ROBO1: variants seen among roughly 807,000 people sequenced by gnomAD.
The protein encoded by ROBO1 is roundabout homolog 1.
In ROBO1, 149 loss-of-function variants were observed where a neutral mutation model predicts 195.9. That is an observed-to-expected ratio of 0.76 (90% CI 0.67 to 0.87). The LOEUF is 0.87. Ranked by LOEUF, ROBO1 falls within the 40% of genes least tolerant of loss-of-function variation. The pLI, the probability that ROBO1 is intolerant of heterozygous loss-of-function variation, is 0.00. For synonymous variants in ROBO1, 816 were observed against 733.2 expected, an observed-to-expected ratio of 1.11 and a Z score of -1.82; for missense variants, 1,933 against 2,068.3, an observed-to-expected ratio of 0.93 and a Z score of 1.27.
intron 1 of ROBO1, among the ~76,000 whole-genome samples, chr3:79,606,572 C>T (rs952440963): frequency 3.9e-5 from 6 of 151,930 alleles, no homozygotes; most frequent in African/African-American, 1.2e-4. Flanking sequence ...ACCACTGTGC[C>T]CAGCCATTTA....
chr3:79,285,570 T>C (rs971191138), intron 2 of ROBO1, among the ~76,000 whole-genome samples: 1 of 152,150 alleles, frequency 6.6e-6, no homozygotes, highest in Non-Finnish European at 1.5e-5. Context: ...CATGGGACCC[T>C]TCAAGGAAGC....
chr3:78,776,673 A>G (rs1016338672), intron 4 of ROBO1, among the ~76,000 whole-genome samples: 2 of 152,246 alleles, frequency 1.3e-5, no homozygotes, highest in Non-Finnish European at 2.9e-5. Flanking sequence ...TAAAATTCCT[A>G]TGCAAATTAA....
intron 4 of ROBO1, among the ~76,000 whole-genome samples, chr3:78,868,686 A>G (rs1372899050): frequency 1.3e-5 from 2 of 152,188 alleles, no homozygotes; most frequent in Non-Finnish European, 2.9e-5. Context: ...AGCCTTATAT[A>G]ACACTGAAGC....
At chr3:79,253,640 T>C (rs990591537) in intron 2 of ROBO1, among the ~76,000 whole-genome samples, 1 of 152,166 alleles carries the variant, frequency 6.6e-6, no homozygotes, top group Non-Finnish European at 1.5e-5. Context: ...TTCAAAGTTA[T>C]AGGCACAGGC....
intron 2 of ROBO1, among the ~76,000 whole-genome samples, chr3:79,584,518 A>G (rs532947655): frequency 2.6e-5 from 4 of 151,516 alleles, no homozygotes; most frequent in African/African-American, 9.7e-5. Flanking sequence ...GAGTGGGAGG[A>G]AAATAAATAA....
intron 1 of ROBO1, among the ~76,000 whole-genome samples, chr3:79,723,682 TAA>T (rs1702794191): frequency 6.6e-6 from 1 of 152,158 alleles, no homozygotes; most frequent in South Asian, 2.1e-4. Context: ...AAAGTAATAT[TAA>T]GAGTCATATG....
intron 3 of ROBO1, among the ~76,000 whole-genome samples, chr3:79,098,460 T>C (rs1472073204): frequency 6.6e-6 from 1 of 151,818 alleles, no homozygotes; most frequent in Admixed American, 6.6e-5. Context: ...TATTGACATA[T>C]GGGAGGAATA....
rs1411968710 is a variant in ROBO1 at position 79,575,208 on chromosome 3, CAG to C, written c.88+14614_88+14615del. Among the ~76,000 whole-genome samples the C allele has an allele frequency of 1.0e-3, 54 of 53,216 alleles. 1 individual carries two copies. The highest frequency in any genetic ancestry group is 2.4e-3 in the African/African-American group (23 of 9,654). 34.9% of individuals were successfully genotyped at this position (53,216 alleles called of 152,430 possible). ...AACATATATATAAATATATATATAACAGATATATATATATAACAAATATATAT... is the reference window on the plus strand; with the variant it reads ...AACATATATATAAATATATATATAACATATATATATATAACAAATATATAT... On this transcript the variant is annotated intron_variant, in intron 2 of 30. Transcript: ENST00000464233.
At chr3:78,896,859 G>A (rs1282085736) in intron 4 of ROBO1, among the ~76,000 whole-genome samples, 1 of 152,032 alleles carries the variant, frequency 6.6e-6, no homozygotes, top group Non-Finnish European at 1.5e-5. Flanking sequence ...CAAGAAAGAG[G>A]AATTCCTTGG....
chr3:79,197,589 T>C (rs911641837), intron 2 of ROBO1, among the ~76,000 whole-genome samples: 1 of 152,058 alleles, frequency 6.6e-6, no homozygotes, highest in African/African-American at 2.4e-5. Context: ...GAATTTCTAG[T>C]TCTAGATCCT....
chr3:78,972,122 T>C (rs1388732024), intron 3 of ROBO1, among the ~76,000 whole-genome samples: 1 of 152,166 alleles, frequency 6.6e-6, no homozygotes, highest in African/African-American at 2.4e-5. Flanking sequence ...TAAATAGTCA[T>C]AACAAGGAAC....
At chr3:79,650,891 G>A (rs1413368366) in intron 1 of ROBO1, among the ~76,000 whole-genome samples, 13 of 151,782 alleles carry the variant, frequency 8.6e-5, no homozygotes, top group African/African-American at 2.2e-4. Flanking sequence ...GCATGTTTGC[G>A]TGTTATTAAA....
At chr3:79,311,144 C>G (rs1409744023) in intron 2 of ROBO1, among the ~76,000 whole-genome samples, 1 of 152,094 alleles carries the variant, frequency 6.6e-6, no homozygotes, top group East Asian at 1.9e-4. Context: ...ACATCTTTAT[C>G]TACAGTTAAT....
chr3:79,213,538 T>A (rs1576823744), intron 2 of ROBO1, among the ~76,000 whole-genome samples: 1 of 152,208 alleles, frequency 6.6e-6, no homozygotes, highest in South Asian at 2.1e-4. Flanking sequence ...AGAAATAATA[T>A]AAATAAATCT....
intron 2 of ROBO1, among the ~76,000 whole-genome samples, chr3:79,237,883 A>G (rs1049497225): frequency 1.3e-5 from 2 of 152,144 alleles, no homozygotes; most frequent in African/African-American, 4.8e-5. Context: ...AAAAAGGAAC[A>G]CTCAGCAGCT....
chr3:79,144,952 T>C (rs901415735), intron 2 of ROBO1, among the ~76,000 whole-genome samples: 1 of 152,032 alleles, frequency 6.6e-6, no homozygotes, highest in Admixed American at 6.6e-5. Flanking sequence ...CTAAATGATG[T>C]ATGTTCTACT....
intron 2 of ROBO1, among the ~76,000 whole-genome samples, chr3:79,500,119 CTTTTTTTTTTTTTTT>C (rs57887981): frequency 1.4e-5 from 1 of 72,474 alleles, no homozygotes; most frequent in Non-Finnish European, 2.5e-5. Flanking sequence ...TAAGTTTTCT[CTTTTTTTTTTTTTTT>C]TTTTTTTTTT....
chr3:78,735,118 C>A (rs935677047), intron 5 of ROBO1, among the ~76,000 whole-genome samples: 1 of 152,072 alleles, frequency 6.6e-6, no homozygotes. Context: ...TTTTGATCCA[C>A]GAAATATCTC....
chr3:79,218,960 G>A (rs1281968399), intron 2 of ROBO1, among the ~76,000 whole-genome samples: 1 of 151,944 alleles, frequency 6.6e-6, no homozygotes. Context: ...GTGAGGGTTT[G>A]CCCAATCCAT....
Sources: allele counts gnomAD v4.1 joint callset (sites outside exome capture counted in the v4.1 genomes callset), GRCh38; gene constraint gnomAD v4.1.1; transcripts MANE v1.5; gene names NCBI Gene and HGNC (gene_info 2026-07-23, HGNC 2026-07-21).